The following ARAP2 variants were observed in gnomAD, a reference collection of about 807,000 sequenced individuals.
ARAP2 encodes the protein arf-GAP with Rho-GAP domain, ANK repeat and PH domain-containing protein 2.
In ARAP2, 148 loss-of-function variants were observed where a neutral mutation model predicts 194.5. That is an observed-to-expected ratio of 0.76 (90% confidence interval 0.67 to 0.87). The LOEUF (loss-of-function observed/expected upper bound fraction) is 0.87. ARAP2 is among the 40% of genes least tolerant of loss of function. The pLI, the probability that ARAP2 is intolerant of heterozygous loss-of-function variation, is 0.00. For synonymous variants in ARAP2, 695 were observed against 683.5 expected (o/e 1.02, Z -0.26); for missense variants, 2,128 against 1,989.7 (o/e 1.07, Z -1.32).
chr4:36,168,242 A>C (rs1374802554), intron 9 of ARAP2, among the ~76,000 whole-genome samples: 2 of 152,130 alleles, frequency 1.3e-5, no homozygotes, highest in Non-Finnish European at 2.9e-5. Flanking sequence ...AAGCCTTAGA[A>C]GAAGAAAGCC....
At chr4:36,208,329 G>A (rs1417024944) in intron 6 of ARAP2, among the ~76,000 whole-genome samples, 4 of 152,108 alleles carry the variant, frequency 2.6e-5, no homozygotes, top group Admixed American at 1.3e-4. Flanking sequence ...TATTTTATTC[G>A]ACCACAGCCT....
chr4:36,146,645 C>G (rs534106268), intron 19 of ARAP2, among the ~76,000 whole-genome samples: 1 of 152,072 alleles, frequency 6.6e-6, no homozygotes, highest in East Asian at 1.9e-4. Context: ...TTCAAGATCT[C>G]TTTTCTTAGC....
intron 5 of ARAP2, among the ~76,000 whole-genome samples, chr4:36,025,576 G>A (rs918467986): frequency 1.3e-5 from 2 of 152,078 alleles, no homozygotes; most frequent in South Asian, 4.1e-4. Flanking sequence ...CTGACATCCC[G>A]TTCAATCTCA....
chr4:36,132,896 AAGAT>A (rs1461651869), intron 20 of ARAP2, among the ~76,000 whole-genome samples: 1 of 151,770 alleles, frequency 6.6e-6, no homozygotes, highest in African/African-American at 2.4e-5. Context: ...TAATCTCTGA[AAGAT>A]AGTCTTCAAT....
chr4:36,043,142 C>T (rs1264294705), intron 5 of ARAP2, among the ~76,000 whole-genome samples: 1 of 152,188 alleles, frequency 6.6e-6, no homozygotes, highest in Non-Finnish European at 1.5e-5. Context: ...CCCACCTGCA[C>T]TCTCTTTAAA....
intron 22 of ARAP2, 45 bp from the exon 23 acceptor site, chr4:36,121,371 A>G: frequency 6.7e-7 from 1 of 1,500,410 alleles, no homozygotes. Flanking sequence ...TTTTATTTGG[A>G]AATTTCATAG....
chr4:36,099,198 C>A (rs1253311352), intron 27 of ARAP2, among the ~76,000 whole-genome samples: 2 of 152,188 alleles, frequency 1.3e-5, no homozygotes, highest in East Asian at 3.9e-4. Flanking sequence ...ATAACAACTT[C>A]CAGCTCCATC....
intron 19 of ARAP2, among the ~76,000 whole-genome samples, chr4:36,144,137 T>G (rs1447027603): frequency 1.3e-5 from 2 of 151,602 alleles, no homozygotes. Context: ...AACCTATGTA[T>G]CATTGGCCAA....
chr4:36,076,845 G>A (rs1321902840), intron 31 of ARAP2, among the ~76,000 whole-genome samples: 1 of 152,120 alleles, frequency 6.6e-6, no homozygotes, highest in African/African-American at 2.4e-5. Context: ...GGCCAAAATA[G>A]AACTCTCCAT....
At chr4:36,151,382 T>C (rs1730934644) in intron 15 of ARAP2, among the ~76,000 whole-genome samples, 1 of 152,132 alleles carries the variant, frequency 6.6e-6, no homozygotes, top group Non-Finnish European at 1.5e-5. Flanking sequence ...AACAAAAACG[T>C]AGCATGAAAA....
In ARAP2 at chr4:36,083,369, T is replaced by G; in HGVS notation, c.4507A>C (p.Ser1503Arg). 6.3e-7 allele frequency: 1 copy of G among 1,599,272 alleles called. No individual in the cohort carries two copies. The highest frequency in any genetic ancestry group is 8.5e-7 in the Non-Finnish European group (1 of 1,172,484). Residue 1503 changes from serine (S) to arginine (R), a missense_variant and splice_region_variant, in exon 29 of 33, where the codon AGC becomes CGC. Physicochemically the swap from Ser to Arg is moderately radical, Grantham distance 110. Coordinates refer to ENST00000303965, the MANE Select transcript of ARAP2 (RefSeq NM_015230.4). ...CAGCACTTCCCTTTCAAACTTTACCTTGTTGGAGGCTTCATTTTCTTTTTC... is the reference window on the plus strand; with the variant it reads ...CAGCACTTCCCTTTCAAACTTTACCGTGTTGGAGGCTTCATTTTCTTTTTC... The part of the protein sequence containing the change: ...GVKKKMKPPT[S>R]WGLTAYSEKH...
At chr4:36,225,410 A>C (rs1435347897) in intron 2 of ARAP2, among the ~76,000 whole-genome samples, 1 of 128,876 alleles carries the variant, frequency 7.8e-6, no homozygotes, top group Non-Finnish European at 1.8e-5. Flanking sequence ...GCACACCTAC[A>C]ACTCCCATGG....
chr4:36,050,125 G>A (rs74721224), intron 3 of ARAP2, among the ~76,000 whole-genome samples: 6,813 of 152,188 alleles, frequency 0.045, 208 homozygotes, highest in Middle Eastern at 0.12. Context: ...ACTTGGTTAT[G>A]TATTGACAAG....
At chr4:36,029,601 C>T (rs1015339970) in intron 5 of ARAP2, among the ~76,000 whole-genome samples, 2 of 151,904 alleles carry the variant, frequency 1.3e-5, no homozygotes, top group African/African-American at 2.4e-5. Context: ...AAGTTGATTT[C>T]TACTTATGAA....
At chr4:36,084,674 T>C (rs758258824) in intron 28 of ARAP2, among the ~76,000 whole-genome samples, 6 of 152,022 alleles carry the variant, frequency 3.9e-5, no homozygotes, top group Non-Finnish European at 5.9e-5. Context: ...AATATGCTCA[T>C]AAAATTAAAA....
At chr4:36,176,462 G>T (rs1298507744) in intron 9 of ARAP2, among the ~76,000 whole-genome samples, 1 of 152,048 alleles carries the variant, frequency 6.6e-6, no homozygotes, top group African/African-American at 2.4e-5. Flanking sequence ...AGTTTAATGT[G>T]AGCAATGAAA....
Position 36,150,750 on chromosome 4 carries a change from T to A in ARAP2, c.2897+150A>T, listed in dbSNP as rs1730772664. The A allele has an allele frequency of 3.7e-6, 3 of 802,044 alleles. No individual in the cohort carries two copies. The Admixed American group carries it at 9.1e-5, about 24-fold the overall frequency. 49.7% of individuals were successfully genotyped at this position (802,044 alleles called of 1,614,324 possible). A position where few individuals can be genotyped will look rare whatever the true frequency, so the allele number is the denominator to read the frequency against. ...TTGTAGTGAATTCCCAAAAGAAATT[T>A]CAGAAGGCGCAAGATAAGTAAGCTT... is the stretch of plus-strand genomic sequence containing the variant. On this transcript the variant is annotated intron_variant, in intron 16 of 32. Coordinates refer to ENST00000303965, the MANE Select transcript of ARAP2 (RefSeq NM_015230.4).
intron 19 of ARAP2, among the ~76,000 whole-genome samples, chr4:36,136,488 TAA>T (rs1428530094): frequency 2.0e-5 from 3 of 151,658 alleles, no homozygotes; most frequent in Non-Finnish European, 4.4e-5. Flanking sequence ...CCATGAAGCA[TAA>T]ACAATCATAT....
At chr4:36,034,980 G>T (rs1719666648) in intron 5 of ARAP2, among the ~76,000 whole-genome samples, 1 of 151,924 alleles carries the variant, frequency 6.6e-6, no homozygotes, top group Non-Finnish European at 1.5e-5. Flanking sequence ...CTTTTGGACT[G>T]GTTTGCAAAT....
Sources: gnomAD v4.1 joint callset for allele counts (sites outside exome capture counted in the v4.1 genomes callset) on GRCh38, gnomAD v4.1.1 for gene constraint, MANE v1.5 for transcripts, NCBI Gene and HGNC (gene_info 2026-07-23, HGNC 2026-07-21) for gene names.